DZANK1: variants seen among roughly 807,000 people sequenced by gnomAD.
The protein encoded by DZANK1 is double zinc ribbon and ankyrin repeat-containing protein 1.
In DZANK1, 91 loss-of-function variants were observed where a neutral mutation model predicts 94.5. The ratio of observed to expected loss-of-function variants is 0.96; its 90% CI spans 0.81 to 1.15. The LOEUF (loss-of-function observed/expected upper bound fraction) is 1.15, where lower values mean the gene tolerates loss of function less well. Ranked by LOEUF, DZANK1 falls within the 50% of genes most tolerant of loss-of-function variation. DZANK1 has a pLI of 0.00. For missense variants in DZANK1, 903 were observed against 916.4 expected (o/e 0.99, Z 0.19); for synonymous variants, 312 against 325.3 (o/e 0.96, Z 0.44).
chr20:18,446,593 A>G (rs1013765661), intron 7 of DZANK1, among the ~76,000 whole-genome samples: 1 of 152,242 alleles, frequency 6.6e-6, no homozygotes, highest in African/African-American at 2.4e-5. Context: ...AACTAAAAAA[A>G]GAACAAATTA....
Position 18,465,387 on chromosome 20 carries a change from TATATAC to T in DZANK1, c.-19-16_-19-11del, listed in dbSNP as rs2059610919. 8.0e-7 allele frequency: 1 copy of T among 1,257,212 alleles called. No individual in the cohort carries two copies. The highest frequency in any genetic ancestry group is 1.6e-5 in the African/African-American group (1 of 64,088). The allele number at this position is 1,257,212 out of a possible 1,614,324, so 77.9% of individuals were successfully genotyped here. A position where few individuals can be genotyped will look rare whatever the true frequency, so the allele number is the denominator to read the frequency against. ...CTCTCTCTCTCTCTCTCTCTATATA[TATATAC>T]ATATAAATTCCAATGTACACAAAAG... is the stretch of plus-strand genomic sequence containing the variant. On this transcript the variant is annotated splice_polypyrimidine_tract_variant and intron_variant, in intron 1 of 20. Coordinates refer to ENST00000262547, the Ensembl canonical transcript of DZANK1.
intron 2 of DZANK1, among the ~76,000 whole-genome samples, chr20:18,463,286 A>G (rs2059535896): frequency 6.6e-6 from 1 of 152,216 alleles, no homozygotes; most frequent in Non-Finnish European, 1.5e-5. Context: ...ACGTGTTCTC[A>G]CTTATAAATG....
At position 18,415,414 on chromosome 20, in the gene DZANK1, GGGC is replaced by G. The variant is rs749243910; in HGVS notation, c.987_989del (p.Pro330del). On this transcript the variant is annotated inframe_deletion, in exon 11 of 21. Transcript: ENST00000262547. ...AGGAAATGGTCCCCCCTTTCTGAGT[GGGC>G]GGAGGAGGGGCTTTATCCCCACTGC... 8.8e-6 allele frequency: 14 copies of G among 1,585,828 alleles called. 1 individual carries two copies. In the Middle Eastern group the frequency reaches 6.7e-4, roughly 76 times the overall value.
At chr20:18,463,766 A>C (rs1203601606) in intron 2 of DZANK1, among the ~76,000 whole-genome samples, 1 of 152,202 alleles carries the variant, frequency 6.6e-6, no homozygotes, top group Non-Finnish European at 1.5e-5. Context: ...GAACACAGAT[A>C]ATAATACATA....
At chr20:18,427,157 C>T (rs773598686) in exon 10 of DZANK1, 3 of 1,611,464 alleles carry the variant, frequency 1.9e-6, no homozygotes, top group African/African-American at 2.7e-5. Flanking sequence ...AAATTACCTT[C>T]TCCTTAACAA....
exon 6 of DZANK1, chr20:18,452,666 G>T: frequency 6.2e-7 from 1 of 1,606,844 alleles, no homozygotes; most frequent in East Asian, 2.2e-5. Flanking sequence ...CATAAGCTGG[G>T]ATTTCCAATG....
chr20:18,452,368 C>T (rs1328801124), intron 6 of DZANK1, among the ~76,000 whole-genome samples: 1 of 152,192 alleles, frequency 6.6e-6, no homozygotes, highest in African/African-American at 2.4e-5. Flanking sequence ...TTATCTTCTT[C>T]ATGACGCTTA....
rs878877422 is a variant in DZANK1 at position 18,396,690 on chromosome 20, A to G, written c.1537-144T>C. 3.8e-5 allele frequency: 22 copies of G among 575,580 alleles called. 1 individual carries two copies. In the Middle Eastern group the frequency reaches 8.2e-4, roughly 21 times the overall value. 35.7% of individuals were successfully genotyped at this position (575,580 alleles called of 1,614,324 possible). Reference sequence around the variant, plus strand: ...CAGAAGAAAGTAGGAAAAGAAAAACAGAGCAACAAAAACTAGACGAGATAA... The same window carrying G: ...CAGAAGAAAGTAGGAAAAGAAAAACGGAGCAACAAAAACTAGACGAGATAA... On this transcript the variant is annotated intron_variant, in intron 14 of 20. Coordinates refer to ENST00000262547, the Ensembl canonical transcript of DZANK1.
intron 7 of DZANK1, among the ~76,000 whole-genome samples, chr20:18,445,621 C>A (rs149589484): frequency 1.2e-4 from 18 of 152,266 alleles, no homozygotes; most frequent in Admixed American, 3.3e-4. Flanking sequence ...AAGCACCAGG[C>A]CACGTGTACT....
At chr20:18,389,855 C>A in intron 18 of DZANK1, 27 bp from the exon 19 acceptor site, 1 of 1,612,934 alleles carries the variant, frequency 6.2e-7, no homozygotes, top group South Asian at 1.1e-5. Context: ...AGGACAAACT[C>A]TCCAAAACAC....
At chr20:18,456,415 T>A (rs1278831901) in intron 3 of DZANK1, among the ~76,000 whole-genome samples, 4 of 152,240 alleles carry the variant, frequency 2.6e-5, no homozygotes, top group Non-Finnish European at 5.9e-5. Context: ...ACAGCTTTAT[T>A]GAGGTATAAT....
intron 10 of DZANK1, among the ~76,000 whole-genome samples, chr20:18,424,920 C>T (rs1260109274): frequency 6.6e-6 from 1 of 152,036 alleles, no homozygotes; most frequent in African/African-American, 2.4e-5. Context: ...AAACATTCTG[C>T]TAAGTGAAGG....
At chr20:18,434,272 C>T (rs112811201) in intron 8 of DZANK1, among the ~76,000 whole-genome samples, 44 of 151,702 alleles carry the variant, frequency 2.9e-4, no homozygotes, top group African/African-American at 9.4e-4. Context: ...AGGCTGGGTG[C>T]GGTGGCTCAT....
In DZANK1 at chr20:18,455,230, A is replaced by G. The variant is rs2059243160; in HGVS notation, c.378+17T>C. On this transcript the variant is annotated intron_variant, in intron 4 of 20. Transcript: ENST00000262547. Reference sequence around the variant, plus strand: ...AATACAGTGACAATCTGAATGGATTATAGTTTCATTACTTGCCTGCCTTGA... The same window carrying G: ...AATACAGTGACAATCTGAATGGATTGTAGTTTCATTACTTGCCTGCCTTGA... 2 of 1,564,742 alleles carry G rather than the reference A, an allele frequency of 1.3e-6. No individual in the cohort carries two copies. Among genetic ancestry groups the G allele is most frequent in the Admixed American group, 3.6e-5 (2 of 54,854 alleles).
chr20:18,408,442 A>C (rs1390894534), intron 13 of DZANK1, among the ~76,000 whole-genome samples: 1 of 152,244 alleles, frequency 6.6e-6, no homozygotes, highest in Non-Finnish European at 1.5e-5. Flanking sequence ...AATCCAAAGA[A>C]GACTACCCCA....
intron 13 of DZANK1, among the ~76,000 whole-genome samples, chr20:18,407,926 T>A (rs1226397704): frequency 6.6e-6 from 1 of 152,144 alleles, no homozygotes; most frequent in Non-Finnish European, 1.5e-5. Context: ...AGCACACCTA[T>A]AAGATCTAGA....
intron 7 of DZANK1, 75 bp downstream of exon 7, chr20:18,448,909 G>T (rs980436179): frequency 4.2e-5 from 48 of 1,134,846 alleles, no homozygotes; most frequent in Non-Finnish European, 5.8e-5. Context: ...CAAAAATGTC[G>T]TATCTTTAAA....
intron 9 of DZANK1, among the ~76,000 whole-genome samples, chr20:18,428,072 A>C (rs112003771): frequency 0.36 from 53,012 of 148,814 alleles, 10,354 homozygotes; most frequent in Middle Eastern, 0.46. Flanking sequence ...AATGGTGTGA[A>C]CCCGGGAGGC....
intron 8 of DZANK1, among the ~76,000 whole-genome samples, chr20:18,436,313 G>A (rs371451427): frequency 2.0e-4 from 30 of 151,886 alleles, no homozygotes; most frequent in East Asian, 9.6e-4. Flanking sequence ...CGCCAGAGGC[G>A]GGCGCCTGTA....
Sources: allele counts gnomAD v4.1 joint callset (sites outside exome capture counted in the v4.1 genomes callset), GRCh38; gene constraint gnomAD v4.1.1; transcripts MANE v1.5; gene names NCBI Gene and HGNC (gene_info 2026-07-23, HGNC 2026-07-21).